The following CHCHD6 variants were observed in gnomAD, a reference collection of about 807,000 sequenced individuals.
CHCHD6 encodes the protein MICOS complex subunit MIC25.
A neutral mutation model predicts 32.3 loss-of-function variants in CHCHD6; 28 were observed. That is an observed-to-expected ratio of 0.87 (90% CI 0.64 to 1.19). The LOEUF (loss-of-function observed/expected upper bound fraction) is 1.19. Ranked by LOEUF, CHCHD6 falls within the 50% of genes most tolerant of loss-of-function variation. The pLI, the probability that CHCHD6 is intolerant of heterozygous loss-of-function variation, is 0.00. For missense variants in CHCHD6, 333 were observed against 307.0 expected (o/e 1.08, Z -0.63); for synonymous variants, 122 against 117.5 (o/e 1.04, Z -0.25).
In CHCHD6 at chr3:126,877,792, C is replaced by T. The variant is rs545451394; in HGVS notation, c.495+25062C>T. ...GTGGATCAGTGGTTGTGATATTGTC[C>T]TATAGTTATTAAGACATTACCATTG... On this transcript the variant is annotated intron_variant, in intron 5 of 7. Transcript: ENST00000290913. Among the ~76,000 whole-genome samples, 4 of 152,252 alleles carry T rather than the reference C, an allele frequency of 2.6e-5. No individual in the cohort carries two copies. The South Asian group carries it at 8.3e-4, about 32-fold the overall frequency.
In CHCHD6 at chr3:126,930,695, G is replaced by A. The variant is rs1008638359; in HGVS notation, c.566+15945G>A. On this transcript the variant is annotated intron_variant, in intron 6 of 7. Coordinates refer to ENST00000290913, the MANE Select transcript of CHCHD6 (RefSeq NM_032343.3). ...GTTTTCTCTTCTGTAAAAGGGGTGA[G>A]CCATCCATTGTTCACAGGATGGTTG... is the stretch of plus-strand genomic sequence containing the variant. 2.6e-5 allele frequency among the ~76,000 whole-genome samples: 4 copies of A among 152,298 alleles called. No individual in the cohort carries two copies. In the South Asian group the frequency reaches 8.3e-4, roughly 32 times the overall value.
At chr3:126,827,391 A>G (rs1271767232) in intron 4 of CHCHD6, among the ~76,000 whole-genome samples, 1 of 152,210 alleles carries the variant, frequency 6.6e-6, no homozygotes, top group Admixed American at 6.5e-5. Flanking sequence ...AGAATGAATG[A>G]TGGGAAATAG....
chr3:126,858,616 C>A (rs926951637), intron 5 of CHCHD6, among the ~76,000 whole-genome samples: 1 of 152,172 alleles, frequency 6.6e-6, no homozygotes, highest in Admixed American at 6.5e-5. Flanking sequence ...GTGTTTGCCT[C>A]GCCTCCTCGT....
chr3:126,773,699 A>T (rs1383938514), intron 4 of CHCHD6, among the ~76,000 whole-genome samples: 1 of 143,618 alleles, frequency 7.0e-6, no homozygotes, highest in Non-Finnish European at 1.5e-5. Flanking sequence ...TCTGCCTCCC[A>T]GGTTCAAGCA....
chr3:126,835,936 C>T (rs966549761), intron 4 of CHCHD6, among the ~76,000 whole-genome samples: 6 of 152,230 alleles, frequency 3.9e-5, no homozygotes, highest in African/African-American at 9.6e-5. Context: ...GCCACCTTTC[C>T]GTAGCTACAG....
At chr3:126,731,847 A>C (rs1285505569) in intron 3 of CHCHD6, among the ~76,000 whole-genome samples, 1 of 152,146 alleles carries the variant, frequency 6.6e-6, no homozygotes, top group African/African-American at 2.4e-5. Context: ...AGGCTAAAGC[A>C]GGAGGATTGC....
In CHCHD6 at chr3:126,727,119, TC is replaced by T. The variant is rs1363810324; in HGVS notation, c.131del (p.Pro44HisfsTer17). 2.5e-6 allele frequency: 4 copies of T among 1,614,014 alleles called. No homozygotes were observed. The highest frequency in any genetic ancestry group is 3.4e-6 in the Non-Finnish European group (4 of 1,179,986). On this transcript the variant is annotated frameshift_variant, in exon 2 of 8. Transcript: ENST00000290913. LOFTEE classifies it high-confidence loss of function. ...VVNRMKEPSS[P>X]PPAPTSSTFG... is the part of the protein sequence containing the mutation. Reference sequence around the variant, plus strand: ...TGAACCGCATGAAGGAGCCCAGCTCTCCACCCCCTGCTCCCACATCTTCTAC... The same window carrying T: ...TGAACCGCATGAAGGAGCCCAGCTCTCACCCCCTGCTCCCACATCTTCTAC...
intron 4 of CHCHD6, among the ~76,000 whole-genome samples, chr3:126,800,139 A>G (rs1004201731): frequency 6.6e-6 from 1 of 152,196 alleles, no homozygotes; most frequent in African/African-American, 2.4e-5. Flanking sequence ...ATCAACTCAT[A>G]TGCACATTTA....
chr3:126,842,000 A>G (rs1308640313), intron 4 of CHCHD6, among the ~76,000 whole-genome samples: 4 of 150,066 alleles, frequency 2.7e-5, no homozygotes, highest in Non-Finnish European at 5.9e-5. Flanking sequence ...TGTAATCCCA[A>G]CACTTTGGGA....
intron 5 of CHCHD6, among the ~76,000 whole-genome samples, chr3:126,884,342 G>T (rs1018968930): frequency 1.3e-5 from 2 of 152,172 alleles, no homozygotes; most frequent in African/African-American, 4.8e-5. Flanking sequence ...CATTCAGCAA[G>T]AACCATTTGT....
intron 4 of CHCHD6, among the ~76,000 whole-genome samples, chr3:126,822,983 G>A (rs1940216858): frequency 1.3e-5 from 2 of 151,962 alleles, no homozygotes; most frequent in Admixed American, 1.3e-4. Context: ...GTGGCTCACT[G>A]CAGCCTCAGC....
intron 1 of CHCHD6, among the ~76,000 whole-genome samples, chr3:126,710,365 G>A (rs1469149660): frequency 6.6e-6 from 1 of 152,090 alleles, no homozygotes; most frequent in Non-Finnish European, 1.5e-5. Context: ...TCAAAATTGG[G>A]ACGTGTAAGG....
At chr3:126,855,167 C>G (rs1418932848) in intron 5 of CHCHD6, among the ~76,000 whole-genome samples, 1 of 152,180 alleles carries the variant, frequency 6.6e-6, no homozygotes, top group East Asian at 1.9e-4. Context: ...CCATAGAAAG[C>G]AGTGAGCTGT....
chr3:126,802,418 C>G (rs1939126027), intron 4 of CHCHD6, among the ~76,000 whole-genome samples: 1 of 152,154 alleles, frequency 6.6e-6, no homozygotes, highest in Admixed American at 6.5e-5. Context: ...GTGAAGAATG[C>G]AGAAGCCTCA....
chr3:126,771,752 AG>A (rs1937546917), intron 4 of CHCHD6, among the ~76,000 whole-genome samples: 1 of 152,030 alleles, frequency 6.6e-6, no homozygotes, highest in African/African-American at 2.4e-5. Context: ...GATCTTTCTA[AG>A]TTTTTGATGT....
intron 1 of CHCHD6, among the ~76,000 whole-genome samples, chr3:126,718,127 G>A (rs1935108574): frequency 6.6e-6 from 1 of 152,120 alleles, no homozygotes; most frequent in Admixed American, 6.5e-5. Flanking sequence ...ATTTAATTTT[G>A]TGTACAGTAT....
intron 4 of CHCHD6, among the ~76,000 whole-genome samples, chr3:126,812,944 A>G (rs1386083912): frequency 6.6e-6 from 1 of 152,128 alleles, no homozygotes; most frequent in Non-Finnish European, 1.5e-5. Flanking sequence ...GGAACCTACC[A>G]TGATTATGTG....
intron 4 of CHCHD6, among the ~76,000 whole-genome samples, chr3:126,761,131 A>G (rs1236247737): frequency 6.6e-6 from 1 of 152,126 alleles, no homozygotes; most frequent in Admixed American, 6.5e-5. Context: ...TGCCTTGCCA[A>G]TATATATATA....
chr3:126,761,169 T>C (rs1031458671), intron 4 of CHCHD6, among the ~76,000 whole-genome samples: 11 of 152,236 alleles, frequency 7.2e-5, no homozygotes, highest in African/African-American at 2.4e-4. Flanking sequence ...GTAAAATTGT[T>C]GGATCATGGA....
Sources: gnomAD v4.1 joint callset for allele counts (sites outside exome capture counted in the v4.1 genomes callset) on GRCh38, gnomAD v4.1.1 for gene constraint, MANE v1.5 for transcripts, NCBI Gene and HGNC (gene_info 2026-07-23, HGNC 2026-07-21) for gene names.